The following CASK variants were observed in gnomAD, a reference collection of about 807,000 sequenced individuals.
CASK encodes the protein calcium/calmodulin dependent serine protein kinase, also known as peripheral plasma membrane protein CASK.
Under a neutral mutation model 82.9 loss-of-function variants are expected in CASK, and 4 were observed. The observed-to-expected ratio is 0.05, with a 90% confidence interval of 0.02 to 0.11. The LOEUF is 0.11. Among genes scored for constraint, CASK ranks in the 10% least tolerant of loss-of-function variants. The pLI is 1.00. For synonymous variants in CASK, 259 were observed against 253.5 expected (o/e 1.02, Z -0.20); for missense variants, 358 against 720.9 (o/e 0.50, Z 5.76).
intron 1 of CASK, among the ~76,000 whole-genome samples, chrX:41,901,469 AG>A (rs771411382): frequency 7.6e-4 from 82 of 107,957 alleles, no homozygotes; most frequent in African/African-American, 2.7e-3. Flanking sequence ...CCTGGGCAAC[AG>A]AGTGAGACCC....
intron 6 of CASK, among the ~76,000 whole-genome samples, chrX:41,669,691 A>G (rs1242698689): frequency 8.9e-6 from 1 of 111,924 alleles, no homozygotes; most frequent in Non-Finnish European, 1.9e-5. Flanking sequence ...CATCAGTGCT[A>G]TGTAGTTGTC....
Position 41,622,710 on chromosome X carries a change from G to A in CASK, c.1016-76C>T, listed in dbSNP as rs758863202. On this transcript the variant is annotated intron_variant, in intron 10 of 26. Transcript: ENST00000378163. ...CAAGCAGGTTATCAAGCCACAGTTC[G>A]GCCCACTACATGAGCCACCAGAAGC... is the stretch of plus-strand genomic sequence containing the variant. The A allele has an allele frequency of 9.4e-5, 84 of 892,294 alleles. No individual in the cohort carries two copies. In the Admixed American group the frequency reaches 1.1e-3, roughly 12 times the overall value. 73.5% of individuals were successfully genotyped at this position (892,294 alleles called of 1,213,427 possible).
chrX:41,754,706 C>T (rs2068858854), intron 3 of CASK, among the ~76,000 whole-genome samples: 3 of 110,745 alleles, frequency 2.7e-5, no homozygotes, highest in South Asian at 7.5e-4. Flanking sequence ...AACTTTATGT[C>T]ACAAATTTAA....
chrX:41,860,768 A>G (rs939458087), intron 1 of CASK, among the ~76,000 whole-genome samples: 3 of 112,490 alleles, frequency 2.7e-5, no homozygotes, highest in African/African-American at 9.7e-5. Flanking sequence ...AAGAAAAAAA[A>G]GTTTTCCTAC....
intron 3 of CASK, among the ~76,000 whole-genome samples, chrX:41,746,531 A>G (rs1359182472): frequency 9.0e-6 from 1 of 110,719 alleles, no homozygotes; most frequent in Non-Finnish European, 1.9e-5. Context: ...ACATACACCT[A>G]TATATGTATA....
At chrX:41,561,307 A>G (rs749037574) in intron 17 of CASK, among the ~76,000 whole-genome samples, 1 of 110,926 alleles carries the variant, frequency 9.0e-6, no homozygotes, top group East Asian at 2.8e-4. Context: ...TTGGTAAGAA[A>G]CAGGAGATAA....
intron 1 of CASK, among the ~76,000 whole-genome samples, chrX:41,881,628 C>A (rs1484206179): frequency 1.8e-5 from 2 of 111,390 alleles, no homozygotes; most frequent in African/African-American, 3.3e-5. Context: ...CATTTTGGGT[C>A]ACTTGATATG....
chrX:41,724,498 T>C (rs1445383239), intron 5 of CASK, among the ~76,000 whole-genome samples: 3 of 112,357 alleles, frequency 2.7e-5, no homozygotes, highest in African/African-American at 9.7e-5. Context: ...ATGAGTGACT[T>C]GAGATAGACA....
chrX:41,807,867 T>G (rs1340462395), intron 2 of CASK, among the ~76,000 whole-genome samples: 1 of 111,627 alleles, frequency 9.0e-6, no homozygotes, highest in Non-Finnish European at 1.9e-5. Flanking sequence ...ATTTATTTAT[T>G]TATTTGAGAC....
At chrX:41,789,419 G>T (rs1031206832) in intron 2 of CASK, among the ~76,000 whole-genome samples, 2 of 111,602 alleles carry the variant, frequency 1.8e-5, no homozygotes, top group African/African-American at 3.3e-5. Flanking sequence ...CAGGGCTGGG[G>T]GCTCAGTGTT....
intron 3 of CASK, among the ~76,000 whole-genome samples, chrX:41,783,557 A>C (rs781327004): frequency 3.5e-4 from 39 of 110,880 alleles, no homozygotes; most frequent in African/African-American, 1.3e-3. Flanking sequence ...TCAAAAAAAA[A>C]AAAAAAACAA....
At chrX:41,908,249 C>T (rs187823748) in intron 1 of CASK, among the ~76,000 whole-genome samples, 42 of 112,078 alleles carry the variant, frequency 3.7e-4, no homozygotes, top group African/African-American at 1.4e-3. Context: ...GGCGTGGTGG[C>T]CTGTAATCCC....
intron 1 of CASK, among the ~76,000 whole-genome samples, chrX:41,899,269 T>A (rs973556690): frequency 3.6e-5 from 4 of 111,750 alleles, no homozygotes; most frequent in African/African-American, 1.3e-4. Flanking sequence ...GCACAGAATA[T>A]CTTTTTCCAC....
chrX:41,739,860 G>C, intron 4 of CASK, among the ~76,000 whole-genome samples: 1 of 112,589 alleles, frequency 8.9e-6, no homozygotes, highest in Middle Eastern at 4.6e-3. Flanking sequence ...AGCAGTGGGA[G>C]CCTTTGATCT....
At chrX:41,564,500 T>C (rs12855714) in intron 16 of CASK, among the ~76,000 whole-genome samples, 13,871 of 111,280 alleles carry the variant, frequency 0.12, 823 homozygotes, top group Middle Eastern at 0.18. Context: ...GCTGGGACTA[T>C]AGGTGAGCGC....
chrX:41,579,043 T>C (rs1001661825), intron 14 of CASK, among the ~76,000 whole-genome samples: 2 of 112,048 alleles, frequency 1.8e-5, no homozygotes, highest in Non-Finnish European at 3.8e-5. Flanking sequence ...TCAAGTAATT[T>C]AGCTAAAAGA....
intron 5 of CASK, among the ~76,000 whole-genome samples, chrX:41,699,365 G>A (rs2067751769): frequency 8.9e-6 from 1 of 111,852 alleles, no homozygotes; most frequent in Non-Finnish European, 1.9e-5. Context: ...TCAGAAAAAG[G>A]TGACAAAATT....
At chrX:41,523,855 C>T (rs1205917050) in intron 26 of CASK, 96 bp downstream of exon 26, 1 of 650,072 alleles carries the variant, frequency 1.5e-6, no homozygotes, top group African/African-American at 2.2e-5. Context: ...ATCAGAGCAG[C>T]CTTGCTGCAA....
intron 5 of CASK, among the ~76,000 whole-genome samples, chrX:41,711,112 C>T (rs1030282857): frequency 1.8e-5 from 2 of 112,083 alleles, no homozygotes; most frequent in Admixed American, 1.9e-4. Flanking sequence ...CAGTCAGAAG[C>T]ATAGGTGACA....
Sources: allele counts gnomAD v4.1 joint callset (sites outside exome capture counted in the v4.1 genomes callset), GRCh38; gene constraint gnomAD v4.1.1; transcripts MANE v1.5; gene names NCBI Gene and HGNC (gene_info 2026-07-23, HGNC 2026-07-21).